The following PHACTR1 variants were observed in gnomAD, a reference collection of about 807,000 sequenced individuals.
PHACTR1 encodes phosphatase and actin regulator 1, also known as RPEL repeat containing 1.
Under a neutral mutation model 69.2 loss-of-function variants are expected in PHACTR1, and 16 were observed. That is an observed-to-expected ratio of 0.23 (90% CI 0.16 to 0.35). The LOEUF is 0.35. Among genes scored for constraint, PHACTR1 ranks in the 10% least tolerant of loss-of-function variants. PHACTR1 has a pLI of 1.00. For synonymous variants in PHACTR1, 312 were observed against 284.5 expected (o/e 1.10, Z -0.97); for missense variants, 510 against 734.7 (o/e 0.69, Z 3.54).
chr6:13,205,647 A>G (rs554088446), intron 7 of PHACTR1, among the ~76,000 whole-genome samples, 168 bp from the exon 8 acceptor site: 2 of 152,344 alleles, frequency 1.3e-5, no homozygotes, highest in South Asian at 2.1e-4. Context: ...ACAAGAGTCA[A>G]TGGATACTTG....
At chr6:12,913,760 A>G (rs1305342437) in intron 4 of PHACTR1, among the ~76,000 whole-genome samples, 1 of 152,196 alleles carries the variant, frequency 6.6e-6, no homozygotes, top group African/African-American at 2.4e-5. Context: ...TTCATGATGA[A>G]GAAGAGGAAG....
At position 12,945,574 on chromosome 6, in the gene PHACTR1, C is replaced by T. The variant is rs545885646; in HGVS notation, c.251-107791C>T. Among the ~76,000 whole-genome samples the T allele has an allele frequency of 1.6e-4, 24 of 152,248 alleles. No homozygotes were observed. In the South Asian group the frequency reaches 1.9e-3, roughly 12 times the overall value. The stretch of plus-strand genomic sequence containing the variant: ...TACGGTCATTAAATGCTAATTCTTA[C>T]GGGTTTCTAGAAAAAGAGGAATCTG... On this transcript the variant is annotated intron_variant, in intron 4 of 14. Transcript: ENST00000332995.
intron 4 of PHACTR1, among the ~76,000 whole-genome samples, chr6:12,753,346 A>T (rs1468642195): frequency 1.3e-5 from 2 of 152,180 alleles, no homozygotes; most frequent in Non-Finnish European, 2.9e-5. Context: ...TTGACAGTAT[A>T]TGGAGGATTA....
At chr6:13,011,216 CAGTGGCCACTA>C (rs1384300929) in intron 4 of PHACTR1, among the ~76,000 whole-genome samples, 3 of 152,220 alleles carry the variant, frequency 2.0e-5, no homozygotes, top group Non-Finnish European at 4.4e-5. Context: ...TTACCCAATG[CAGTGGCCACTA>C]GCCACATGCG....
chr6:13,071,264 T>C (rs1009660679), intron 5 of PHACTR1, among the ~76,000 whole-genome samples: 5 of 152,002 alleles, frequency 3.3e-5, no homozygotes, highest in African/African-American at 1.2e-4. Context: ...CCATCTCTAC[T>C]AAAAATGCAA....
intron 4 of PHACTR1, among the ~76,000 whole-genome samples, chr6:12,901,938 A>G (rs537631273): frequency 1.1e-4 from 17 of 152,164 alleles, no homozygotes; most frequent in African/African-American, 3.6e-4. Context: ...AGTGGGGGGA[A>G]TTTTGCTCTC....
chr6:12,966,453 GC>G (rs1415124574), intron 4 of PHACTR1, among the ~76,000 whole-genome samples: 6 of 152,358 alleles, frequency 3.9e-5, no homozygotes, highest in Non-Finnish European at 8.8e-5. Context: ...GGGGACCCTG[GC>G]TGGTTGTGAT....
At chr6:12,888,997 G>C (rs148600144) in intron 4 of PHACTR1, among the ~76,000 whole-genome samples, 49 of 152,338 alleles carry the variant, frequency 3.2e-4, no homozygotes, top group African/African-American at 1.2e-3. Context: ...GTAAGGCCAG[G>C]CATGGTGGCT....
chr6:13,144,770 C>CAA lies in PHACTR1; in HGVS notation c.416-15433_416-15432insAA, dbSNP rs1355659351. 4.0e-4 allele frequency among the ~76,000 whole-genome samples: 7 copies of CAA among 17,346 alleles called. 1 individual carries two copies. Among genetic ancestry groups the CAA allele is most frequent in the African/African-American group, 9.5e-4 (7 of 7,334 alleles). The allele number at this position is 17,346 out of a possible 152,430, so 11.4% of individuals were successfully genotyped here. On this transcript the variant is annotated intron_variant, in intron 5 of 14. Transcript: ENST00000332995. ...TGGGCAACAGACTGAGACCCTGTCT[C>CAA]AGAAAAAAAAAAAAAAAAAAAGTAT...
intron 5 of PHACTR1, among the ~76,000 whole-genome samples, chr6:13,118,635 T>C (rs527419156): frequency 6.6e-6 from 1 of 152,182 alleles, no homozygotes; most frequent in South Asian, 2.1e-4. Context: ...CGCACAACCA[T>C]GCCCAGCTAA....
At chr6:12,757,871 G>A (rs1468191038) in intron 4 of PHACTR1, among the ~76,000 whole-genome samples, 1 of 152,104 alleles carries the variant, frequency 6.6e-6, no homozygotes. Context: ...TAGCACCTTA[G>A]GAGGCCAAGG....
At chr6:12,797,040 T>TGTGTGTGTGTGA (rs563796658) in intron 4 of PHACTR1, among the ~76,000 whole-genome samples, 17 of 133,392 alleles carry the variant, frequency 1.3e-4, no homozygotes, top group South Asian at 2.7e-4. Flanking sequence ...TGTGTGTGTG[T>TGTGTGTGTGTGA]GAGAGAGAGA....
At chr6:13,192,374 G>T (rs1465841841) in intron 7 of PHACTR1, among the ~76,000 whole-genome samples, 2 of 152,190 alleles carry the variant, frequency 1.3e-5, no homozygotes, top group East Asian at 3.8e-4. Flanking sequence ...ACACAGGCAC[G>T]TGGGTACAAG....
intron 8 of PHACTR1, among the ~76,000 whole-genome samples, chr6:13,208,149 T>C (rs1406049660): frequency 6.6e-6 from 1 of 152,204 alleles, no homozygotes; most frequent in Non-Finnish European, 1.5e-5. Flanking sequence ...ATACACATTG[T>C]CATCACTGTC....
Position 13,283,236 on chromosome 6 carries a change from C to T in PHACTR1, c.1510-186C>T. ...TCTTAGGACCTAGAAACGTCCCACT[C>T]CCAAGAGTCAGGAGACTTGGGTCCC... On this transcript the variant is annotated intron_variant, in intron 12 of 14. Transcript: ENST00000332995. This position sits in a 1 kb window ranked among gnomAD's most constrained non-coding sequence, Gnocchi z 4.7. The T allele has an allele frequency of 9.5e-6, 6 of 633,834 alleles. No individual in the cohort carries two copies. The highest frequency in any genetic ancestry group is 1.6e-5 in the Non-Finnish European group (6 of 379,644). The allele number at this position is 633,834 out of a possible 1,614,324, so 39.3% of individuals were successfully genotyped here.
intron 6 of PHACTR1, among the ~76,000 whole-genome samples, chr6:13,160,893 C>T (rs1758892780): frequency 6.6e-6 from 1 of 152,306 alleles, no homozygotes; most frequent in South Asian, 2.1e-4. Flanking sequence ...GAATTATTGC[C>T]TTTGAATATG....
chr6:13,038,768 G>A (rs550318373), intron 4 of PHACTR1, among the ~76,000 whole-genome samples: 8 of 152,198 alleles, frequency 5.3e-5, no homozygotes, highest in East Asian at 1.9e-4. Context: ...GCACAGAGGC[G>A]GTCAGTTTAA....
Position 13,141,490 on chromosome 6 carries a change from A to T in PHACTR1, c.416-18714A>T, listed in dbSNP as rs140225876. On this transcript the variant is annotated intron_variant, in intron 5 of 14. Coordinates refer to ENST00000332995, the MANE Select transcript of PHACTR1 (RefSeq NM_030948.6). ...TTTATTTCAAAATAAGTGTAAAAAT[A>T]CTCGTCAAAAACAAAATCAGAAGTT... Among the ~76,000 whole-genome samples the T allele has an allele frequency of 4.2e-3, 646 of 152,260 alleles. 8 individuals are homozygous for T. The highest frequency in any genetic ancestry group is 0.015 in the African/African-American group (603 of 41,530).
intron 11 of PHACTR1, among the ~76,000 whole-genome samples, chr6:13,277,353 C>T (rs769392348): frequency 6.6e-6 from 1 of 152,216 alleles, no homozygotes; most frequent in South Asian, 2.1e-4. Context: ...AATTGTATCC[C>T]ACACTCTGGC....
Sources: gnomAD v4.1 joint callset for allele counts (sites outside exome capture counted in the v4.1 genomes callset) on GRCh38, gnomAD v4.1.1 for gene constraint, Gnocchi (gnomAD v3.1) non-coding constraint, MANE v1.5 for transcripts, NCBI Gene and HGNC (gene_info 2026-07-23, HGNC 2026-07-21) for gene names.